ENOX1: variants seen among roughly 807,000 people sequenced by gnomAD.
The protein encoded by ENOX1 is candidate growth-related and time keeping constitutive hydroquinone (NADH) oxidase.
Under a neutral mutation model 82.5 loss-of-function variants are expected in ENOX1, and 42 were observed. The observed-to-expected ratio is 0.51, with a 90% CI of 0.40 to 0.66. The LOEUF is 0.66. Ranked by LOEUF, ENOX1 falls within the 30% of genes least tolerant of loss-of-function variation. The pLI, the probability that ENOX1 is intolerant of heterozygous loss-of-function variation, is 0.00. For missense variants in ENOX1, 608 were observed against 811.6 expected, an observed-to-expected ratio of 0.75 and a Z score of 3.05; for synonymous variants, 271 against 282.2, an observed-to-expected ratio of 0.96 and a Z score of 0.40.
chr13:43,734,455 A>G (rs1212319198), intron 1 of ENOX1, among the ~76,000 whole-genome samples: 1 of 152,204 alleles, frequency 6.6e-6, no homozygotes, highest in Non-Finnish European at 1.5e-5. Flanking sequence ...CAGAAACAAA[A>G]AAGTGTTACT....
intron 5 of ENOX1, among the ~76,000 whole-genome samples, chr13:43,364,887 G>GA (rs1246236384): frequency 1.3e-5 from 2 of 152,214 alleles, no homozygotes; most frequent in Non-Finnish European, 2.9e-5. Flanking sequence ...GAATTGCTGG[G>GA]AGAGAGCCTG....
intron 2 of ENOX1, among the ~76,000 whole-genome samples, chr13:43,504,928 T>C (rs1045217514): frequency 1.3e-5 from 2 of 151,752 alleles, no homozygotes; most frequent in Non-Finnish European, 2.9e-5. Flanking sequence ...CCAAGTTACA[T>C]ACATTAAATA....
intron 8 of ENOX1, among the ~76,000 whole-genome samples, chr13:43,352,035 A>G (rs929865207): frequency 2.0e-5 from 3 of 152,194 alleles, no homozygotes; most frequent in African/African-American, 7.2e-5. Context: ...GGCTCATAAC[A>G]TTATTGATTT....
intron 2 of ENOX1, among the ~76,000 whole-genome samples, chr13:43,536,594 T>A (rs1290299026): frequency 6.6e-6 from 1 of 152,172 alleles, no homozygotes; most frequent in Admixed American, 6.5e-5. Flanking sequence ...TATAAATGCT[T>A]CTTTAAGAAA....
chr13:43,699,460 A>G (rs114112389), intron 1 of ENOX1, among the ~76,000 whole-genome samples: 2,217 of 152,310 alleles, frequency 0.015, 51 homozygotes, highest in African/African-American at 0.049. Flanking sequence ...AATACTAAAG[A>G]ACTTTTCTCA....
At chr13:43,765,146 T>C (rs1201861365) in intron 1 of ENOX1, among the ~76,000 whole-genome samples, 3 of 152,220 alleles carry the variant, frequency 2.0e-5, no homozygotes, top group Non-Finnish European at 2.9e-5. Context: ...CTAGTTGTCA[T>C]ATTCCTCAAC....
At chr13:43,335,602 T>C (rs1375222171) in intron 9 of ENOX1, among the ~76,000 whole-genome samples, 1 of 152,096 alleles carries the variant, frequency 6.6e-6, no homozygotes, top group Non-Finnish European at 1.5e-5. Context: ...GTTATACCTT[T>C]CCTGATTTGC....
chr13:43,252,124 C>T (rs931508556), intron 14 of ENOX1, among the ~76,000 whole-genome samples: 5 of 152,154 alleles, frequency 3.3e-5, no homozygotes, highest in Non-Finnish European at 7.3e-5. Context: ...AAGTAGCTCA[C>T]CAGCGTACAC....
chr13:43,463,874 C>T (rs2153639716), intron 3 of ENOX1, among the ~76,000 whole-genome samples: 1 of 152,242 alleles, frequency 6.6e-6, no homozygotes, highest in East Asian at 1.9e-4. Flanking sequence ...AAAATTGCTA[C>T]TCTTATTCAT....
chr13:43,686,277 A>G (rs1217625570), intron 1 of ENOX1, among the ~76,000 whole-genome samples: 4 of 152,190 alleles, frequency 2.6e-5, no homozygotes, highest in African/African-American at 9.6e-5. Flanking sequence ...AAGCTTTAGT[A>G]ACTCATTCAA....
At chr13:43,398,897 G>C (rs1402509820) in intron 5 of ENOX1, among the ~76,000 whole-genome samples, 1 of 150,650 alleles carries the variant, frequency 6.6e-6, no homozygotes, top group Non-Finnish European at 1.5e-5. Flanking sequence ...CCAGGCTCAA[G>C]TGATTCACCT....
intron 1 of ENOX1, among the ~76,000 whole-genome samples, chr13:43,738,956 G>T (rs550320263): frequency 3.1e-4 from 47 of 152,126 alleles, no homozygotes; most frequent in African/African-American, 1.1e-3. Context: ...GGCTTAGCGG[G>T]GTTGCCCTTT....
At chr13:43,247,571 T>C (rs963795984) in intron 14 of ENOX1, among the ~76,000 whole-genome samples, 1 of 151,618 alleles carries the variant, frequency 6.6e-6, no homozygotes, top group Non-Finnish European at 1.5e-5. Context: ...TTCTACATAC[T>C]GAAGAGAAAC....
intron 5 of ENOX1, among the ~76,000 whole-genome samples, chr13:43,374,765 A>T (rs2051501848): frequency 6.6e-6 from 1 of 152,192 alleles, no homozygotes; most frequent in Non-Finnish European, 1.5e-5. Context: ...TCCTCCACAG[A>T]TGAAAAAGGA....
chr13:43,338,895 C>T (rs769470283), intron 9 of ENOX1, among the ~76,000 whole-genome samples: 48 of 152,020 alleles, frequency 3.2e-4, no homozygotes, highest in Non-Finnish European at 5.6e-4. Flanking sequence ...CCGTGTTAGC[C>T]AGGATGGTCT....
rs541164319 is a variant in ENOX1, at chr13:43,432,820, T to C, written c.-74-19832A>G. On this transcript the variant is annotated intron_variant, in intron 3 of 16. Coordinates refer to ENST00000690772, the MANE Select transcript of ENOX1 (RefSeq NM_001347969.2). ...TTAAGTTTTTTTGTTTATTTATTTC[T>C]TTTTTTTAAGGGGGATTCAGACACT... Among the ~76,000 whole-genome samples, 18 of 152,152 alleles carry C rather than the reference T, an allele frequency of 1.2e-4. No individual in the cohort carries two copies. The East Asian group carries it at 3.3e-3, about 28-fold the overall frequency.
At chr13:43,775,594 G>C (rs191974727) in intron 1 of ENOX1, among the ~76,000 whole-genome samples, 2 of 152,206 alleles carry the variant, frequency 1.3e-5, no homozygotes, top group African/African-American at 4.8e-5. Context: ...CCTGGCATCT[G>C]AGGATGGAGT....
chr13:43,534,066 A>G (rs1321244858), intron 2 of ENOX1, among the ~76,000 whole-genome samples: 1 of 152,130 alleles, frequency 6.6e-6, no homozygotes, highest in Non-Finnish European at 1.5e-5. Flanking sequence ...TCCTCCAAAA[A>G]TTTGCACTGG....
At chr13:43,332,696 G>T (rs2048475865) in intron 9 of ENOX1, among the ~76,000 whole-genome samples, 1 of 152,060 alleles carries the variant, frequency 6.6e-6, no homozygotes, top group African/African-American at 2.4e-5. Context: ...CTTTATTAAT[G>T]CATATATTTA....
Sources: allele counts gnomAD v4.1 joint callset (sites outside exome capture counted in the v4.1 genomes callset), GRCh38; gene constraint gnomAD v4.1.1; transcripts MANE v1.5; gene names NCBI Gene and HGNC (gene_info 2026-07-23, HGNC 2026-07-21).